The following GLB1L2 variants were observed in gnomAD, a reference collection of about 807,000 sequenced individuals.
GLB1L2 encodes beta-galactosidase-1-like protein 2.
In GLB1L2, 68 loss-of-function variants were observed where a neutral mutation model predicts 84.1. The observed-to-expected ratio is 0.81, with a 90% CI of 0.67 to 0.99. GLB1L2 has a LOEUF of 0.99. GLB1L2 is among the 50% of genes least tolerant of loss of function. The pLI is 0.00. For missense variants in GLB1L2, 762 were observed against 805.6 expected (o/e 0.95, Z 0.66); for synonymous variants, 290 against 318.0 (o/e 0.91, Z 0.94).
chr11:134,358,109 C>T (rs1319997026), intron 6 of GLB1L2, among the ~76,000 whole-genome samples: 5 of 152,204 alleles, frequency 3.3e-5, no homozygotes, highest in South Asian at 2.1e-4. Flanking sequence ...GAGCCTTATT[C>T]GCCCAGCAGA....
chr11:134,350,729 T>C (rs1471236448), intron 5 of GLB1L2, among the ~76,000 whole-genome samples: 3 of 152,254 alleles, frequency 2.0e-5, no homozygotes, highest in Non-Finnish European at 2.9e-5. Flanking sequence ...TATTTTCTTT[T>C]AGTATTTTGT....
chr11:134,368,678 CG>C lies in GLB1L2; in HGVS notation c.926del (p.Gly309AlafsTer18), dbSNP rs751100845. The stretch of plus-strand genomic sequence containing the variant: ...AAACCGTGTCTGCCATTGTGGACGC[CG>C]GCTCCTCCATCAACCTCTACATGTT... ...LKTVSAIVDA[G>X]SSINLYMFHG... On this transcript the variant is annotated frameshift_variant, in exon 10 of 19. Coordinates refer to ENST00000535456, the MANE Select transcript of GLB1L2 (RefSeq NM_001370461.1). LOFTEE classifies it high-confidence loss of function. The C allele has an allele frequency of 3.7e-6, 6 of 1,613,854 alleles. No individual in the cohort carries two copies. The highest frequency in any genetic ancestry group is 3.3e-5 in the Admixed American group (2 of 60,022).
In GLB1L2 at chr11:134,370,916, G is replaced by T; in HGVS notation, c.1216-92G>T. 1 of 1,440,014 alleles carries T rather than the reference G, an allele frequency of 6.9e-7. No individual in the cohort carries two copies. Among genetic ancestry groups the T allele is most frequent in the Non-Finnish European group, 9.5e-7 (1 of 1,047,740 alleles). 89.2% of individuals were successfully genotyped at this position (1,440,014 alleles called of 1,614,324 possible). A position where few individuals can be genotyped will look rare whatever the true frequency, so the allele number is the denominator to read the frequency against. ...AGTAGAAAACACCCACCAAACCTCC[G>T]CTTCCACCCCATGTGCCAGCCCCCA... On this transcript the variant is annotated intron_variant, in intron 12 of 18. Transcript: ENST00000535456. The surrounding 1 kb of genome is among the most constrained non-coding windows in gnomAD (Gnocchi z 4.7).
chr11:134,335,468 G>C (rs1943370873), intron 1 of GLB1L2, among the ~76,000 whole-genome samples: 1 of 152,130 alleles, frequency 6.6e-6, no homozygotes, highest in African/African-American at 2.4e-5. Flanking sequence ...CTTTCAGCAG[G>C]TGATCACCTG....
intron 5 of GLB1L2, among the ~76,000 whole-genome samples, chr11:134,355,454 T>A (rs1264681457): frequency 6.6e-6 from 1 of 152,236 alleles, no homozygotes; most frequent in East Asian, 1.9e-4. Flanking sequence ...AGTTTTTGCA[T>A]GTTTTCAGGG....
chr11:134,341,121 A>C (rs1338054319), intron 1 of GLB1L2, among the ~76,000 whole-genome samples: 1 of 152,350 alleles, frequency 6.6e-6, no homozygotes, highest in Non-Finnish European at 1.5e-5. Flanking sequence ...GGGACATAAA[A>C]CCCACTTGTG....
Position 134,331,999 on chromosome 11 carries a change from C to G in GLB1L2, c.-63C>G. On this transcript the variant is annotated 5_prime_UTR_variant, in exon 1 of 19. Transcript: ENST00000535456. ...CGGCTCCGCCCCCCGCGGCGAGGCT[C>G]CCGCGCGCGGCTGAGTGCGGACTGG... The G allele has an allele frequency of 8.3e-7, 1 of 1,202,548 alleles. No homozygotes were observed. The highest frequency in any genetic ancestry group is 1.2e-6 in the Non-Finnish European group (1 of 867,864). 74.5% of individuals were successfully genotyped at this position (1,202,548 alleles called of 1,614,324 possible).
At chr11:134,335,958 T>G (rs1943380135) in intron 1 of GLB1L2, among the ~76,000 whole-genome samples, 1 of 152,216 alleles carries the variant, frequency 6.6e-6, no homozygotes, top group African/African-American at 2.4e-5. Flanking sequence ...TTGGGATATT[T>G]GCTGCTTCCT....
intron 1 of GLB1L2, among the ~76,000 whole-genome samples, chr11:134,332,639 C>T (rs1024801578): frequency 1.3e-5 from 2 of 152,146 alleles, no homozygotes; most frequent in African/African-American, 4.8e-5. Flanking sequence ...CTGGCAGGGT[C>T]GTAAGAACAG....
At chr11:134,363,252 G>A (rs928006568) in intron 7 of GLB1L2, among the ~76,000 whole-genome samples, 8 of 152,200 alleles carry the variant, frequency 5.3e-5, no homozygotes, top group South Asian at 4.1e-4. Context: ...CCGCTCTGCC[G>A]CTACCTGAGG....
chr11:134,374,339 G>C, intron 17 of GLB1L2, 83 bp downstream of exon 17: 3 of 1,158,958 alleles, frequency 2.6e-6, no homozygotes, highest in Non-Finnish European at 3.9e-6. Flanking sequence ...CGAGCTTGGC[G>C]AGAGTCGTTG....
At chr11:134,342,629 T>C in intron 1 of GLB1L2, 125 bp from the exon 2 acceptor site, 1 of 971,644 alleles carries the variant, frequency 1.0e-6, no homozygotes, top group Non-Finnish European at 1.5e-6. Context: ...GGAGGGGAGC[T>C]TTTCCCAGCC....
rs762603997 is a variant in GLB1L2, at chr11:134,373,677, C to T, written c.1508-44C>T. On this transcript the variant is annotated intron_variant, in intron 15 of 18. Transcript: ENST00000535456. ...CGTGGCCCCGGCCCAGCTGACTCGGCCCCTGCCTTTGGGCTACCCACGTGT... is the reference window on the plus strand; with the variant it reads ...CGTGGCCCCGGCCCAGCTGACTCGGTCCCTGCCTTTGGGCTACCCACGTGT... The T allele has an allele frequency of 3.7e-6, 5 of 1,356,008 alleles. No individual in the cohort carries two copies. In the Admixed American group the frequency reaches 7.0e-5, roughly 19 times the overall value. 84.0% of individuals were successfully genotyped at this position (1,356,008 alleles called of 1,614,324 possible). A position where few individuals can be genotyped will look rare whatever the true frequency, so the allele number is the denominator to read the frequency against.
In GLB1L2 at chr11:134,367,089, C is replaced by T. The variant is rs540012464; in HGVS notation, c.805-168C>T. 2,724 of 650,324 alleles carry T rather than the reference C, an allele frequency of 4.2e-3. 17 individuals are homozygous for T. Among genetic ancestry groups the T allele is most frequent in the Non-Finnish European group, 4.4e-3 (1,610 of 362,042 alleles). 40.3% of individuals were successfully genotyped at this position (650,324 alleles called of 1,614,324 possible). A position where few individuals can be genotyped will look rare whatever the true frequency, so the allele number is the denominator to read the frequency against. On this transcript the variant is annotated intron_variant, in intron 8 of 18. Transcript: ENST00000535456. ...TGTGGCAGGAGAACTGGTGTGCAGG[C>T]GAATTTGGCCCTCACCTATGCCCCA...
intron 5 of GLB1L2, among the ~76,000 whole-genome samples, chr11:134,351,990 A>G (rs920868868): frequency 6.6e-5 from 10 of 152,100 alleles, no homozygotes; most frequent in African/African-American, 2.4e-4. Context: ...TTCCCTTTCA[A>G]TTTTTGGGAA....
chr11:134,371,671 G>A, intron 14 of GLB1L2, 81 bp from the exon 15 acceptor site: 1 of 1,373,440 alleles, frequency 7.3e-7, no homozygotes, highest in Non-Finnish European at 1.0e-6. Context: ...AGAGCGTAGG[G>A]AAGAACTGGG....
At chr11:134,362,468 C>T (rs1020985891) in intron 7 of GLB1L2, among the ~76,000 whole-genome samples, 4 of 152,184 alleles carry the variant, frequency 2.6e-5, no homozygotes, top group Admixed American at 2.0e-4. Flanking sequence ...CTCGGAGCGC[C>T]GGGTGTGGGA....
chr11:134,348,375 G>A (rs1299095091), intron 5 of GLB1L2, among the ~76,000 whole-genome samples: 2 of 152,168 alleles, frequency 1.3e-5, no homozygotes, highest in African/African-American at 2.4e-5. Flanking sequence ...ACAGAAGCAA[G>A]GAACTAGGAA....
intron 4 of GLB1L2, among the ~76,000 whole-genome samples, chr11:134,346,135 C>A (rs1383086264): frequency 1.3e-5 from 2 of 152,176 alleles, no homozygotes; most frequent in Non-Finnish European, 2.9e-5. Context: ...CCTGGGGAGC[C>A]CTGGGCTTCT....
Sources: gnomAD v4.1 joint callset for allele counts (sites outside exome capture counted in the v4.1 genomes callset) on GRCh38, gnomAD v4.1.1 for gene constraint, Gnocchi (gnomAD v3.1) non-coding constraint, MANE v1.5 for transcripts, NCBI Gene and HGNC (gene_info 2026-07-23, HGNC 2026-07-21) for gene names.